KIF15: variants seen among roughly 807,000 people sequenced by gnomAD.
KIF15 encodes kinesin family member 15.
KIF15 carries 140 observed loss-of-function variants against 190.6 expected under a neutral mutation model. The ratio of observed to expected loss-of-function variants is 0.73; its 90% confidence interval spans 0.64 to 0.84. The LOEUF (loss-of-function observed/expected upper bound fraction) is 0.84, where lower values mean the gene tolerates loss of function less well. Ranked by LOEUF, KIF15 falls within the 40% of genes least tolerant of loss-of-function variation. The pLI is 0.00. For synonymous variants in KIF15, 528 were observed against 551.3 expected (o/e 0.96, Z 0.59); for missense variants, 1,372 against 1,584.4 (o/e 0.87, Z 2.28).
chr3:44,786,355 C>T (rs1290629744), intron 6 of KIF15, 40 bp from the exon 7 acceptor site: 2 of 1,535,950 alleles, frequency 1.3e-6, no homozygotes, highest in Admixed American at 1.9e-5. Context: ...GGTATGAACA[C>T]ATGAAAATAA....
At chr3:44,808,846 A>G (rs1224402787) in intron 16 of KIF15, among the ~76,000 whole-genome samples, 1 of 152,214 alleles carries the variant, frequency 6.6e-6, no homozygotes, top group African/African-American at 2.4e-5. Context: ...TAGAGCTTGA[A>G]TTATAGAGCT....
chr3:44,825,377 A>G (rs1697582819), intron 20 of KIF15, among the ~76,000 whole-genome samples: 1 of 152,164 alleles, frequency 6.6e-6, no homozygotes, highest in Non-Finnish European at 1.5e-5. Flanking sequence ...GAGTTAGTAC[A>G]GCAGATATTC....
intron 14 of KIF15, among the ~76,000 whole-genome samples, chr3:44,803,526 G>A (rs1177930195): frequency 6.6e-6 from 1 of 152,180 alleles, no homozygotes; most frequent in Non-Finnish European, 1.5e-5. Context: ...AAGTGGTTTA[G>A]TTAATACTAA....
At chr3:44,800,623 G>C (rs1310975600) in intron 11 of KIF15, among the ~76,000 whole-genome samples, 186 bp downstream of exon 11, 3 of 152,214 alleles carry the variant, frequency 2.0e-5, no homozygotes, top group Non-Finnish European at 4.4e-5. Context: ...CATAGGCAGT[G>C]AGAAGGGGGA....
intron 34 of KIF15, 34 bp downstream of exon 34, chr3:44,852,373 C>A: frequency 6.4e-7 from 1 of 1,573,208 alleles, no homozygotes; most frequent in South Asian, 1.2e-5. Context: ...TAAATTCTGT[C>A]TGGTTTAAAA....
intron 3 of KIF15, 111 bp from the exon 4 acceptor site, chr3:44,778,004 G>A (rs1705978920): frequency 1.3e-6 from 1 of 798,036 alleles, no homozygotes; most frequent in South Asian, 1.4e-5. Context: ...TTCTGTAGTG[G>A]ATGTTATCCA....
chr3:44,766,379 C>T (rs941679377), intron 1 of KIF15, among the ~76,000 whole-genome samples: 2 of 152,148 alleles, frequency 1.3e-5, no homozygotes, highest in Non-Finnish European at 2.9e-5. Flanking sequence ...TTTCCTTGTG[C>T]AGAACCACTG....
chr3:44,808,656 G>C (rs1279047583), intron 16 of KIF15, among the ~76,000 whole-genome samples: 1 of 127,788 alleles, frequency 7.8e-6, no homozygotes, highest in East Asian at 2.3e-4. Context: ...ATATGCTTTT[G>C]TTAACTCAGG....
At chr3:44,807,866 C>T (rs931120383) in intron 16 of KIF15, among the ~76,000 whole-genome samples, 1 of 151,968 alleles carries the variant, frequency 6.6e-6, no homozygotes, top group Non-Finnish European at 1.5e-5. Flanking sequence ...CTGGAAAATG[C>T]TGGGTTTTTT....
At chr3:44,825,839 ACTACT>A (rs772671593) in intron 20 of KIF15, among the ~76,000 whole-genome samples, 195 bp from the exon 21 acceptor site, 10 of 152,106 alleles carry the variant, frequency 6.6e-5, no homozygotes, top group Non-Finnish European at 1.3e-4. Context: ...TTCCTACCAA[ACTACT>A]CTATGGTCCA....
intron 4 of KIF15, among the ~76,000 whole-genome samples, chr3:44,779,425 T>C (rs1216905688): frequency 6.6e-6 from 1 of 152,194 alleles, no homozygotes; most frequent in East Asian, 1.9e-4. Flanking sequence ...AGCTAGGTAA[T>C]ACATGGCAGG....
chr3:44,861,992 A>G, intron 6 of KIF15: 2 of 1,385,170 alleles, frequency 1.4e-6, no homozygotes, highest in South Asian at 3.3e-5. Context: ...ACCCCCGCGG[A>G]ATTCCCTCCG....
At chr3:44,776,533 CA>C (rs1469598431) in intron 3 of KIF15, among the ~76,000 whole-genome samples, 1 of 152,048 alleles carries the variant, frequency 6.6e-6, no homozygotes, top group East Asian at 1.9e-4. Context: ...TCCTCATATA[CA>C]CTAGTCATAT....
At position 44,818,093 on chromosome 3, in the gene KIF15, C is replaced by G. The variant is rs545309381; in HGVS notation, c.2549+3017C>G. 6.6e-5 allele frequency among the ~76,000 whole-genome samples: 10 copies of G among 152,218 alleles called. No individual in the cohort carries two copies. The East Asian group carries it at 9.7e-4, about 15-fold the overall frequency. On this transcript the variant is annotated intron_variant, in intron 20 of 34. Coordinates refer to ENST00000326047, the MANE Select transcript of KIF15 (RefSeq NM_020242.3). ...CTTGTGATTTTTGCACATTGATTTT[C>G]TATCCTGAGACTTTGCTGAAGTTGC...
intron 1 of KIF15, among the ~76,000 whole-genome samples, chr3:44,762,465 A>G (rs999367140): frequency 3.3e-5 from 5 of 152,124 alleles, no homozygotes; most frequent in African/African-American, 1.2e-4. Flanking sequence ...GAGCACTGTC[A>G]TTTTGCTTAT....
intron 6 of KIF15, among the ~76,000 whole-genome samples, chr3:44,858,991 G>A (rs115486279): frequency 0.019 from 2,906 of 152,320 alleles, 77 homozygotes; most frequent in African/African-American, 0.064. Context: ...AGAGAGCCCC[G>A]GGCCAGAGTT....
chr3:44,800,774 A>G (rs1194195976), intron 11 of KIF15, among the ~76,000 whole-genome samples: 5 of 152,242 alleles, frequency 3.3e-5, no homozygotes. Context: ...TAGCTAGTAG[A>G]GAATTAATTA....
intron 29 of KIF15, 71 bp from the exon 30 acceptor site, chr3:44,843,053 TG>T: frequency 9.7e-7 from 1 of 1,034,230 alleles, no homozygotes; most frequent in Non-Finnish European, 1.5e-6. Flanking sequence ...CCTGTCTCAG[TG>T]GTGGCCTTGG....
At chr3:44,843,372 AT>A in intron 30 of KIF15, 138 bp downstream of exon 30, 1 of 615,190 alleles carries the variant, frequency 1.6e-6, no homozygotes, top group Admixed American at 3.1e-5. Flanking sequence ...CTTTTGGTTG[AT>A]TTTGAATCAA....
Sources: allele counts gnomAD v4.1 joint callset (sites outside exome capture counted in the v4.1 genomes callset), GRCh38; gene constraint gnomAD v4.1.1; transcripts MANE v1.5; gene names NCBI Gene and HGNC (gene_info 2026-07-23, HGNC 2026-07-21).